Variants in RNF122 observed in about 807,000 individuals in gnomAD.
The protein encoded by RNF122 is ring finger protein 122.
In RNF122, 17 loss-of-function variants were observed where a neutral mutation model predicts 24.2. That is an observed-to-expected ratio of 0.70 (90% CI 0.48 to 1.06). The LOEUF (loss-of-function observed/expected upper bound fraction) is 1.06, where lower values mean the gene tolerates loss of function less well. Ranked by LOEUF, RNF122 falls within the 50% of genes least tolerant of loss-of-function variation. The pLI is 0.00. For missense variants in RNF122, 168 were observed against 198.1 expected (o/e 0.85, Z 0.91); for synonymous variants, 65 against 71.8 (o/e 0.91, Z 0.48).
At chr8:33,562,934 A>C (rs1233870596) in intron 1 of RNF122, among the ~76,000 whole-genome samples, 3 of 151,814 alleles carry the variant, frequency 2.0e-5, no homozygotes, top group Non-Finnish European at 4.4e-5. Flanking sequence ...TAAACAAAAC[A>C]AAACAAAAAA....
rs545523708 is a variant in RNF122, at chr8:33,548,668, C to T, written c.*85G>A. On this transcript the variant is annotated 3_prime_UTR_variant, in exon 6 of 6. Coordinates refer to ENST00000256257, the MANE Select transcript of RNF122 (RefSeq NM_024787.3). ...TGGGAAAGTGATCGTCATCACCCTACAGTCCTGTTGGTTGGAGCTGTGCAG... is the reference window on the plus strand; with the variant it reads ...TGGGAAAGTGATCGTCATCACCCTATAGTCCTGTTGGTTGGAGCTGTGCAG... The T allele has an allele frequency of 3.9e-5, 33 of 841,072 alleles. No homozygotes were observed. The highest frequency in any genetic ancestry group is 5.7e-5 in the Non-Finnish European group (28 of 487,426). 52.1% of individuals were successfully genotyped at this position (841,072 alleles called of 1,614,324 possible).
intron 2 of RNF122, among the ~76,000 whole-genome samples, chr8:33,553,696 G>T (rs1810409718): frequency 2.6e-5 from 4 of 152,250 alleles, no homozygotes; most frequent in Admixed American, 2.6e-4. Flanking sequence ...GGTGGGGTGA[G>T]AAGCTGAAGC....
Position 33,558,040 on chromosome 8 carries a change from G to A in RNF122, c.182+575C>T, listed in dbSNP as rs368754331. On this transcript the variant is annotated intron_variant, in intron 2 of 5. Transcript: ENST00000256257. The stretch of plus-strand genomic sequence containing the variant: ...CGCCTATAATCCCAGCTACTTGGGA[G>A]ACTGAGGCAGGAGAATTGCTTGAAC... Among the ~76,000 whole-genome samples the A allele has an allele frequency of 9.2e-5, 14 of 152,242 alleles. 1 individual carries two copies. Among genetic ancestry groups the A allele is most frequent in the African/African-American group, 3.1e-4 (13 of 41,544 alleles).
intron 4 of RNF122, among the ~76,000 whole-genome samples, chr8:33,550,185 G>A (rs569131971): frequency 1.2e-3 from 187 of 152,170 alleles, no homozygotes; most frequent in Middle Eastern, 3.4e-3. Flanking sequence ...CACCCACCTC[G>A]GCCTCCCAAA....
At chr8:33,559,840 G>GC (rs1810513129) in intron 1 of RNF122, among the ~76,000 whole-genome samples, 2 of 131,452 alleles carry the variant, frequency 1.5e-5, no homozygotes, top group South Asian at 4.9e-4. Context: ...GACCTACGCT[G>GC]TTTTTTTTTT....
chr8:33,552,515 G>A (rs887588299), intron 2 of RNF122, among the ~76,000 whole-genome samples: 1 of 152,214 alleles, frequency 6.6e-6, no homozygotes, highest in Non-Finnish European at 1.5e-5. Context: ...CAAAGTTGGT[G>A]TGATGACAGA....
intron 2 of RNF122, among the ~76,000 whole-genome samples, chr8:33,554,979 CT>C (rs1172222932): frequency 6.6e-6 from 1 of 152,074 alleles, no homozygotes; most frequent in Non-Finnish European, 1.5e-5. Context: ...GCTTCTGCGC[CT>C]GTGTGTCTTT....
chr8:33,565,736 G>A (rs181503826), intron 1 of RNF122, among the ~76,000 whole-genome samples: 1 of 152,308 alleles, frequency 6.6e-6, no homozygotes, highest in Non-Finnish European at 1.5e-5. Context: ...CCTTCACTTG[G>A]GCTCAGGAGC....
intron 1 of RNF122, among the ~76,000 whole-genome samples, chr8:33,562,696 G>C (rs1810556704): frequency 6.6e-6 from 1 of 152,138 alleles, no homozygotes; most frequent in African/African-American, 2.4e-5. Context: ...GGCTGAGGTA[G>C]GCAGATCACC....
rs1810313498 is a variant in RNF122, at chr8:33,548,081, A to G, written c.*672T>C. On this transcript the variant is annotated 3_prime_UTR_variant, in exon 6 of 6. Coordinates refer to ENST00000256257, the MANE Select transcript of RNF122 (RefSeq NM_024787.3). ...CCCACAAACCTCAACATGGAATAGG[A>G]AGCTCCGAGATTAACTGAGGAAGAG... 6.6e-6 allele frequency: 1 copy of G among 151,828 alleles called. No individual in the cohort carries two copies. Among genetic ancestry groups the G allele is most frequent in the Non-Finnish European group, 1.5e-5 (1 of 67,926 alleles). The allele number at this position is 151,828 out of a possible 1,614,324, so 9.4% of individuals were successfully genotyped here. A position where few individuals can be genotyped will look rare whatever the true frequency, so the allele number is the denominator to read the frequency against.
chr8:33,550,006 T>C (rs899073461), intron 4 of RNF122, among the ~76,000 whole-genome samples: 1 of 151,964 alleles, frequency 6.6e-6, no homozygotes, highest in African/African-American at 2.4e-5. Context: ...CAATCTTGGC[T>C]CACTGCAACC....
At chr8:33,553,755 C>T (rs968469615) in intron 2 of RNF122, among the ~76,000 whole-genome samples, 4 of 152,274 alleles carry the variant, frequency 2.6e-5, no homozygotes, top group African/African-American at 9.6e-5. Flanking sequence ...CAGCCAGGCC[C>T]GTAGCACAGT....
At chr8:33,559,411 A>T (rs1810506501) in intron 1 of RNF122, among the ~76,000 whole-genome samples, 1 of 152,040 alleles carries the variant, frequency 6.6e-6, no homozygotes, top group Non-Finnish European at 1.5e-5. Context: ...AGAAAATATT[A>T]TTTGGGTTCC....
Position 33,567,035 on chromosome 8 carries a change from G to C in RNF122, c.-312C>G. On this transcript the variant is annotated 5_prime_UTR_variant, in exon 1 of 6. Transcript: ENST00000256257. The stretch of plus-strand genomic sequence containing the variant: ...GGGCGGGGGTGCCCGGGCTGCAGAA[G>C]CCCTCGGCCGGGGGAGGAGGGAAAA... 2.3e-6 allele frequency: 1 copy of C among 432,298 alleles called. No individual in the cohort carries two copies. The highest frequency in any genetic ancestry group is 4.2e-6 in the Non-Finnish European group (1 of 237,016). 26.8% of individuals were successfully genotyped at this position (432,298 alleles called of 1,614,324 possible). A position where few individuals can be genotyped will look rare whatever the true frequency, so the allele number is the denominator to read the frequency against.
At chr8:33,563,813 C>T (rs1457083862) in intron 1 of RNF122, among the ~76,000 whole-genome samples, 1 of 152,164 alleles carries the variant, frequency 6.6e-6, no homozygotes. Context: ...GAGCTGAAAC[C>T]TCCTTTGGTT....
chr8:33,561,793 T>C (rs1444871665), intron 1 of RNF122, among the ~76,000 whole-genome samples: 1 of 152,122 alleles, frequency 6.6e-6, no homozygotes, highest in Non-Finnish European at 1.5e-5. Flanking sequence ...TCCACCCGTC[T>C]TGGCCTCCCA....
intron 5 of RNF122, 129 bp downstream of exon 5, chr8:33,549,281 G>A (rs1810335739): frequency 1.3e-6 from 1 of 750,780 alleles, no homozygotes; most frequent in South Asian, 1.5e-5. Context: ...GGCTTTGCTC[G>A]GTGTTCACGT....
chr8:33,559,850 T>G (rs868051550), intron 1 of RNF122, among the ~76,000 whole-genome samples: 14 of 151,776 alleles, frequency 9.2e-5, no homozygotes, highest in African/African-American at 2.9e-4. Context: ...GTTTTTTTTT[T>G]TTTTTTTTTT....
chr8:33,560,251 C>T (rs1350173673), intron 1 of RNF122, among the ~76,000 whole-genome samples: 4 of 152,194 alleles, frequency 2.6e-5, no homozygotes, highest in Non-Finnish European at 4.4e-5. Context: ...GGGATAAATA[C>T]TGACTGGCCT....
Sources: gnomAD v4.1 joint callset for allele counts (sites outside exome capture counted in the v4.1 genomes callset) on GRCh38, gnomAD v4.1.1 for gene constraint, MANE v1.5 for transcripts, NCBI Gene and HGNC (gene_info 2026-07-23, HGNC 2026-07-21) for gene names.